Variants in COL5A1 observed in about 807,000 individuals in gnomAD.
COL5A1 encodes collagen type V alpha 1 chain, also known as collagen alpha-1(V) chain.
COL5A1 carries 16 observed loss-of-function variants against 263.7 expected under a neutral mutation model. That is an observed-to-expected ratio of 0.06 (90% confidence interval 0.04 to 0.09). The LOEUF (loss-of-function observed/expected upper bound fraction) is 0.09, where lower values mean the gene tolerates loss of function less well. Among genes scored for constraint, COL5A1 ranks in the 10% least tolerant of loss-of-function variants. COL5A1 has a pLI of 1.00. For synonymous variants in COL5A1, 1,012 were observed against 1,004.5 expected (o/e 1.01, Z -0.14); for missense variants, 2,036 against 2,540.5 (o/e 0.80, Z 4.27).
chr9:134,817,672 GCCC>G, intron 53 of COL5A1, 103 bp from the exon 54 acceptor site: 1 of 1,024,880 alleles, frequency 9.8e-7, no homozygotes, highest in South Asian at 1.4e-5. Flanking sequence ...TCGTCCCTCT[GCCC>G]CTGCAGGCCA....
chr9:134,837,839 G>A lies in COL5A1; in HGVS notation c.5370+2635G>A, dbSNP rs115422840. Among the ~76,000 whole-genome samples the A allele has an allele frequency of 6.7e-3, 1,016 of 152,154 alleles. 12 individuals are homozygous for A. Among genetic ancestry groups the A allele is most frequent in the African/African-American group, 0.023 (957 of 41,510 alleles). ...CAAGTGTTCCCTTCTTTCTACATAC[G>A]CAAAACCTGAGGCCCAGAGAGTTAC... On this transcript the variant is annotated intron_variant, in intron 65 of 65. Coordinates refer to ENST00000371817, the MANE Select transcript of COL5A1 (RefSeq NM_000093.5).
intron 1 of COL5A1, among the ~76,000 whole-genome samples, chr9:134,663,963 G>A (rs1832284987): frequency 6.6e-6 from 1 of 152,252 alleles, no homozygotes; most frequent in South Asian, 2.1e-4. Flanking sequence ...TCTCCAGGGG[G>A]AAGGGAACAT....
chr9:134,693,932 A>G (rs1188558940), intron 2 of COL5A1, among the ~76,000 whole-genome samples: 1 of 152,020 alleles, frequency 6.6e-6, no homozygotes, highest in African/African-American at 2.4e-5. Context: ...GAGCTGCACC[A>G]TGCCCTGTCT....
At chr9:134,655,574 T>C (rs1379732385) in intron 1 of COL5A1, among the ~76,000 whole-genome samples, 1 of 152,112 alleles carries the variant, frequency 6.6e-6, no homozygotes, top group Non-Finnish European at 1.5e-5. Context: ...TGTAAACTGC[T>C]AGGACCACCA....
intron 11 of COL5A1, 63 bp from the exon 12 acceptor site, chr9:134,750,479 C>T (rs1157190724): frequency 8.1e-6 from 12 of 1,484,664 alleles, no homozygotes; most frequent in East Asian, 4.5e-5. Flanking sequence ...CCCTCATTCT[C>T]GCTGCAGCCC....
intron 1 of COL5A1, among the ~76,000 whole-genome samples, chr9:134,645,790 C>T (rs888810382): frequency 6.6e-6 from 1 of 152,214 alleles, no homozygotes; most frequent in African/African-American, 2.4e-5. Context: ...CCTCTTCTCA[C>T]TTCCCATCGG....
chr9:134,757,852 C>T lies in COL5A1; in HGVS notation c.1882-391C>T, dbSNP rs1319348197. ...CTGAGCGCGGGCAGCCCCTCGGCAC[C>T]ATGGATACAGCTGTGAGCGGACACA... On this transcript the variant is annotated intron_variant, in intron 17 of 65. Transcript: ENST00000371817. This position sits in a 1 kb window ranked among gnomAD's most constrained non-coding sequence, Gnocchi z 6.2. 6.6e-6 allele frequency among the ~76,000 whole-genome samples: 1 copy of T among 152,132 alleles called. No individual in the cohort carries two copies. The highest frequency in any genetic ancestry group is 1.5e-5 in the Non-Finnish European group (1 of 68,024).
intron 11 of COL5A1, among the ~76,000 whole-genome samples, chr9:134,744,377 A>G (rs965544688): frequency 6.6e-6 from 1 of 151,764 alleles, no homozygotes; most frequent in Non-Finnish European, 1.5e-5. Context: ...ATGCCCACAC[A>G]TGCATACATG....
rs761557601 is a variant in COL5A1 at position 134,811,371 on chromosome 9, C to T, written c.3561C>T (p.Pro1187=). 4.3e-6 allele frequency: 7 copies of T among 1,613,340 alleles called. No individual in the cohort carries two copies. Among genetic ancestry groups the T allele is most frequent in the East Asian group, 2.2e-5 (1 of 44,736 alleles). Residue 1187 remains proline, a synonymous_variant, in exon 45 of 66, where the codon CCC becomes CCT. Transcript: ENST00000371817. ...CTGGGCCTACAGGTCCTCAAGGCCC[C>T]ATCGGACAGCCAGGCCCCTCTGTGA... is the stretch of plus-strand genomic sequence containing the variant. The part of the protein sequence containing the change: ...GPPGPTGPQG[P]IGQPGPSGAD...
rs767696801 is a variant in COL5A1, at chr9:134,727,313, T to C, written c.702T>C (p.Tyr234=). ...LLFVSDHRAA[Y]DYCEHYSPDC... ...TTGTCTCGGACCACCGGGCAGCTTA[T>C]GATTACTGTGAGCACTACAGCCCTG... The change falls in exon 5 of 66, where the codon TAT becomes TAC. Residue 234 remains tyrosine (Y), a synonymous_variant. Coordinates refer to ENST00000371817, the MANE Select transcript of COL5A1 (RefSeq NM_000093.5). 5 of 1,614,104 alleles carry C rather than the reference T, an allele frequency of 3.1e-6. No homozygotes were observed. Among genetic ancestry groups the C allele is most frequent in the Non-Finnish European group, 3.4e-6 (4 of 1,179,988 alleles).
At chr9:134,713,160 C>T (rs3124295) in intron 4 of COL5A1, among the ~76,000 whole-genome samples, 77,266 of 152,198 alleles carry the variant, frequency 0.51, 20,025 homozygotes, top group Admixed American at 0.64. Flanking sequence ...TTCTCCTGTC[C>T]GATAGTGAGT....
Position 134,842,007 on chromosome 9 carries a change from T to C in COL5A1, c.5371-150T>C. 1 of 838,016 alleles carries C rather than the reference T, an allele frequency of 1.2e-6. No homozygotes were observed. The highest frequency in any genetic ancestry group is 2.0e-6 in the Non-Finnish European group (1 of 507,612). The allele number at this position is 838,016 out of a possible 1,614,324, so 51.9% of individuals were successfully genotyped here. On this transcript the variant is annotated intron_variant, in intron 65 of 65. Coordinates refer to ENST00000371817, the MANE Select transcript of COL5A1 (RefSeq NM_000093.5). The surrounding 1 kb of genome is among the most constrained non-coding windows in gnomAD (Gnocchi z 5.8). ...GCATGCTCTGATCAGCCATATTTCCTCCAACACTTGCCCGGGCAAGCGCAG... is the reference window on the plus strand; with the variant it reads ...GCATGCTCTGATCAGCCATATTTCCCCCAACACTTGCCCGGGCAAGCGCAG...
chr9:134,769,575 C>T (rs1294214243), intron 25 of COL5A1, among the ~76,000 whole-genome samples: 4 of 152,246 alleles, frequency 2.6e-5, no homozygotes, highest in African/African-American at 7.2e-5. Flanking sequence ...CCATTGACAG[C>T]GGGTGGACGT....
In COL5A1 at chr9:134,802,020, C is replaced by T; in HGVS notation, c.3006+13C>T. The T allele has an allele frequency of 6.2e-7, 1 of 1,613,122 alleles. No homozygotes were observed. Among genetic ancestry groups the T allele is most frequent in the Non-Finnish European group, 8.5e-7 (1 of 1,179,780 alleles). ...GGTCGGCCCTCAGGTAAGCTCCAGCCTTCCCAGATTCCATGGGTCACTCGG... is the reference window on the plus strand; with the variant it reads ...GGTCGGCCCTCAGGTAAGCTCCAGCTTTCCCAGATTCCATGGGTCACTCGG... On this transcript the variant is annotated intron_variant, in intron 38 of 65. Coordinates refer to ENST00000371817, the MANE Select transcript of COL5A1 (RefSeq NM_000093.5).
chr9:134,822,854 C>G, intron 59 of COL5A1, 144 bp from the exon 60 acceptor site: 3 of 957,756 alleles, frequency 3.1e-6, no homozygotes, highest in Non-Finnish European at 4.9e-6. Context: ...CCCACTCTAG[C>G]CGGGCAAATA....
At chr9:134,824,474 T>C in intron 61 of COL5A1, 126 bp from the exon 62 acceptor site, 6 of 1,196,040 alleles carry the variant, frequency 5.0e-6, no homozygotes, top group Non-Finnish European at 7.1e-6. Context: ...CAGATGTCCA[T>C]GTAGCCCAGG....
chr9:134,680,113 AC>A lies in COL5A1; in HGVS notation c.110-10795del, dbSNP rs1231318973. Reference sequence around the variant, plus strand: ...GACACTGTCATCTTCAGGAAGGACTACCCCGGAGGCCCTTTGGACGGGCCCT... The same window carrying A: ...GACACTGTCATCTTCAGGAAGGACTACCCGGAGGCCCTTTGGACGGGCCCT... On this transcript the variant is annotated intron_variant, in intron 1 of 65. Transcript: ENST00000371817. This position sits in a 1 kb window ranked among gnomAD's most constrained non-coding sequence, Gnocchi z 5.9. Among the ~76,000 whole-genome samples, 1 of 151,966 alleles carries A rather than the reference AC, an allele frequency of 6.6e-6. No homozygotes were observed. The highest frequency in any genetic ancestry group is 6.6e-5 in the Admixed American group (1 of 15,262).
chr9:134,811,345 C>G lies in COL5A1; in HGVS notation c.3535C>G (p.Pro1179Ala), dbSNP rs371361067. The G allele has an allele frequency of 1.9e-6, 3 of 1,614,026 alleles. No individual in the cohort carries two copies. The African/African-American group carries it at 4.0e-5, about 22-fold the overall frequency. ...TCTGTCTTGTTCCCCGCAGGGTCCTCCTGGGCCTACAGGTCCTCAAGGCCC... is the reference window on the plus strand; with the variant it reads ...TCTGTCTTGTTCCCCGCAGGGTCCTGCTGGGCCTACAGGTCCTCAAGGCCC... Reference protein sequence around the residue: ...SKGDKGEQGPPGPTGPQGPIG... With the variant: ...SKGDKGEQGPAGPTGPQGPIG... The change falls in exon 45 of 66, where the codon CCT becomes GCT. Residue 1179 changes from proline to alanine, a missense_variant. This residue lies in a region of COL5A1 where 1,078 missense variants were observed against 1,521.4 expected (regional missense o/e 0.71). Transcript: ENST00000371817.
Position 134,686,720 on chromosome 9 carries a change from C to T in COL5A1, c.110-4192C>T, listed in dbSNP as rs142623946. On this transcript the variant is annotated intron_variant, in intron 1 of 65. Transcript: ENST00000371817. This position sits in a 1 kb window ranked among gnomAD's most constrained non-coding sequence, Gnocchi z 4.6. Reference sequence around the variant, plus strand: ...GTAACAGTGCAGGGGATGCAGGGGCCAACTTCTCTAACTCTGATCAACTCG... The same window carrying T: ...GTAACAGTGCAGGGGATGCAGGGGCTAACTTCTCTAACTCTGATCAACTCG... 1.3e-5 allele frequency among the ~76,000 whole-genome samples: 2 copies of T among 152,250 alleles called. No homozygotes were observed. Among genetic ancestry groups the T allele is most frequent in the Non-Finnish European group, 2.9e-5 (2 of 68,022 alleles).
Sources: gnomAD v4.1 joint callset for allele counts (sites outside exome capture counted in the v4.1 genomes callset) on GRCh38, gnomAD v4.1.1 for gene constraint, gnomAD v4.1.1 regional missense constraint, Gnocchi (gnomAD v3.1) non-coding constraint, MANE v1.5 for transcripts, NCBI Gene and HGNC (gene_info 2026-07-23, HGNC 2026-07-21) for gene names.